The following AFAP1L2 variants were observed in gnomAD, a reference collection of about 807,000 sequenced individuals.
The protein encoded by AFAP1L2 is actin filament associated protein 1 like 2.
Under a neutral mutation model 99.3 loss-of-function variants are expected in AFAP1L2, and 46 were observed. That is an observed-to-expected ratio of 0.46 (90% CI 0.37 to 0.59). The LOEUF is 0.59. AFAP1L2 is among the 20% of genes least tolerant of loss of function. The pLI is 0.00. For missense variants in AFAP1L2, 959 were observed against 1,034.9 expected, an observed-to-expected ratio of 0.93 and a Z score of 1.01; for synonymous variants, 397 against 419.1, an observed-to-expected ratio of 0.95 and a Z score of 0.64.
chr10:114,302,466 T>C lies in AFAP1L2; in HGVS notation c.1303A>G (p.Met435Val), dbSNP rs752775813. 10 of 1,613,894 alleles carry C rather than the reference T, an allele frequency of 6.2e-6. No individual in the cohort carries two copies. Among genetic ancestry groups the C allele is most frequent in the African/African-American group, 1.3e-5 (1 of 74,894 alleles). ...AKLEAKSSEE[M>V]GHWLGLLLSE... ...AGCAGGAGACCCAGCCAGTGGCCCA[T>C]TTCCTCGGAAGACTTGGCCTGGAAC... The change falls in exon 12 of 19, where the codon ATG becomes GTG. Residue 435 changes from methionine (M) to valine (V), a missense_variant. Coordinates refer to ENST00000304129, the MANE Select transcript of AFAP1L2 (RefSeq NM_001001936.3).
intron 4 of AFAP1L2, among the ~76,000 whole-genome samples, chr10:114,324,400 C>T (rs1267319437): frequency 2.4e-4 from 3 of 12,252 alleles, no homozygotes; most frequent in Admixed American, 2.1e-3. Context: ...TGCACCACCC[C>T]CCCCCCCCCC....
At chr10:114,333,882 G>A (rs1298597655) in intron 2 of AFAP1L2, among the ~76,000 whole-genome samples, 1 of 152,154 alleles carries the variant, frequency 6.6e-6, no homozygotes, top group Non-Finnish European at 1.5e-5. Context: ...AAGTAGAGAT[G>A]TCTCTGGGCT....
intron 7 of AFAP1L2, among the ~76,000 whole-genome samples, chr10:114,313,195 C>G (rs1043302746): frequency 6.6e-6 from 1 of 152,070 alleles, no homozygotes; most frequent in Non-Finnish European, 1.5e-5. Context: ...CACCAGGGTC[C>G]CTGCTGGGTT....
chr10:114,311,742 T>C (rs1391799883), intron 7 of AFAP1L2, among the ~76,000 whole-genome samples: 3 of 152,214 alleles, frequency 2.0e-5, no homozygotes, highest in African/African-American at 4.8e-5. Flanking sequence ...TCATGCTTCC[T>C]GGGAAAAGCC....
intron 1 of AFAP1L2, among the ~76,000 whole-genome samples, chr10:114,347,610 T>C (rs1488510617): frequency 6.6e-6 from 1 of 152,058 alleles, no homozygotes; most frequent in Non-Finnish European, 1.5e-5. Context: ...ACTATAGGCA[T>C]GTACCACTTG....
chr10:114,285,140 C>T, the AFAP1L2 span, among the ~76,000 whole-genome samples: 2 of 152,296 alleles, frequency 1.3e-5, no homozygotes, highest in South Asian at 2.1e-4. Flanking sequence ...GTCAGTGCTC[C>T]GTGAGTAGAT....
At chr10:114,281,565 CTG>C in the AFAP1L2 span, 1 of 187,590 alleles carries the variant, frequency 5.3e-6, no homozygotes, top group Non-Finnish European at 1.0e-5. Context: ...ATGGTGGCTG[CTG>C]TGTTATCACA....
intron 1 of AFAP1L2, among the ~76,000 whole-genome samples, chr10:114,372,955 T>C (rs2137064339): frequency 6.6e-6 from 1 of 152,388 alleles, no homozygotes; most frequent in Admixed American, 6.5e-5. Context: ...CTGTGCCCCA[T>C]TCCTTTTACC....
At chr10:114,349,368 A>G (rs2050085072) in intron 1 of AFAP1L2, among the ~76,000 whole-genome samples, 1 of 136,864 alleles carries the variant, frequency 7.3e-6, no homozygotes, top group Non-Finnish European at 1.5e-5. Flanking sequence ...GGGCAACAAG[A>G]GTGAAACTCG....
At chr10:114,326,664 G>A (rs2046335527) in intron 4 of AFAP1L2, among the ~76,000 whole-genome samples, 1 of 152,112 alleles carries the variant, frequency 6.6e-6, no homozygotes, top group African/African-American at 2.4e-5. Context: ...GGGCAGGAGT[G>A]GAGTCCGATC....
chr10:114,325,878 T>A (rs1339052447), intron 4 of AFAP1L2: 1 of 1,286,976 alleles, frequency 7.8e-7, no homozygotes, highest in Admixed American at 2.3e-5. Context: ...AAGGGTCCTC[T>A]CGCCTCTGTG....
intron 5 of AFAP1L2, 53 bp from the exon 6 acceptor site, chr10:114,315,818 A>C: frequency 6.5e-7 from 1 of 1,540,860 alleles, no homozygotes; most frequent in Non-Finnish European, 8.8e-7. Flanking sequence ...GACAGTCCTG[A>C]AGCAGCATCG....
Position 114,364,595 on chromosome 10 carries a change from C to T in AFAP1L2, c.17-23864G>A, listed in dbSNP as rs570208504. On this transcript the variant is annotated intron_variant, in intron 1 of 18. Coordinates refer to ENST00000304129, the MANE Select transcript of AFAP1L2 (RefSeq NM_001001936.3). ...ACCAGTCACGGGATAAGTGCCCGCC[C>T]TAATCCAGTATGACCTTATCTTCAC... 7.9e-5 allele frequency among the ~76,000 whole-genome samples: 12 copies of T among 152,336 alleles called. 1 individual carries two copies. The East Asian group carries it at 1.5e-3, about 20-fold the overall frequency.
intron 1 of AFAP1L2, among the ~76,000 whole-genome samples, chr10:114,396,684 C>A (rs891532303): frequency 1.3e-5 from 2 of 152,234 alleles, no homozygotes; most frequent in African/African-American, 4.8e-5. Context: ...TGCAGACAGG[C>A]TGCCAAAGCC....
chr10:114,379,212 CAAAAA>C (rs35288351), intron 1 of AFAP1L2, among the ~76,000 whole-genome samples: 4 of 143,090 alleles, frequency 2.8e-5, no homozygotes, highest in African/African-American at 7.9e-5. Context: ...GACTCTGTCT[CAAAAA>C]AAAAAAAAAG....
At chr10:114,340,826 A>T in intron 1 of AFAP1L2, 95 bp from the exon 2 acceptor site, 1 of 1,555,480 alleles carries the variant, frequency 6.4e-7, no homozygotes. Context: ...CCCACCTCGA[A>T]CCCTCTGGTC....
chr10:114,289,612 C>A, the AFAP1L2 span: 1 of 1,136,280 alleles, frequency 8.8e-7, no homozygotes, highest in Non-Finnish European at 1.3e-6. Context: ...TTCCCAAGTG[C>A]CAGGTTCTGT....
chr10:114,386,681 G>T (rs890047961), intron 1 of AFAP1L2, among the ~76,000 whole-genome samples: 2 of 152,180 alleles, frequency 1.3e-5, no homozygotes, highest in Non-Finnish European at 2.9e-5. Context: ...GGAGGCCCAG[G>T]GGTTCCTTAG....
chr10:114,315,782 C>T lies in AFAP1L2; in HGVS notation c.407-17G>A. 1 of 1,599,684 alleles carries T rather than the reference C, an allele frequency of 6.3e-7. No individual in the cohort carries two copies. ...CTCCGTCCTCTGCAAGGAAGACCAG[C>T]TCGGTCAGGGCCCCATGGGGCAGGG... is the stretch of plus-strand genomic sequence containing the variant. On this transcript the variant is annotated splice_polypyrimidine_tract_variant and intron_variant, in intron 5 of 18. Coordinates refer to ENST00000304129, the MANE Select transcript of AFAP1L2 (RefSeq NM_001001936.3).
Sources: gnomAD v4.1 joint callset for allele counts (sites outside exome capture counted in the v4.1 genomes callset) on GRCh38, gnomAD v4.1.1 for gene constraint, MANE v1.5 for transcripts, NCBI Gene and HGNC (gene_info 2026-07-23, HGNC 2026-07-21) for gene names.